The following SYT14 variants were observed in gnomAD, a reference collection of about 807,000 sequenced individuals.
SYT14 encodes synaptotagmin 14.
A neutral mutation model predicts 74.2 loss-of-function variants in SYT14; 32 were observed. That is an observed-to-expected ratio of 0.43 (90% CI 0.33 to 0.58). The LOEUF (loss-of-function observed/expected upper bound fraction) is 0.58. Ranked by LOEUF, SYT14 falls within the 20% of genes least tolerant of loss-of-function variation. SYT14 has a pLI of 0.05. For synonymous variants in SYT14, 298 were observed against 337.7 expected (o/e 0.88, Z 1.29); for missense variants, 791 against 981.8 (o/e 0.81, Z 2.60).
intron 1 of SYT14, among the ~76,000 whole-genome samples, chr1:209,943,533 A>C (rs1030544172): frequency 2.0e-4 from 31 of 151,260 alleles, no homozygotes; most frequent in Non-Finnish European, 3.1e-4. Flanking sequence ...AAAAAAAAAA[A>C]AAAAGAGAAT....
intron 2 of SYT14, among the ~76,000 whole-genome samples, chr1:209,976,400 T>G (rs1217791430): frequency 3.6e-4 from 54 of 151,716 alleles, no homozygotes; most frequent in Non-Finnish European, 6.3e-4. Flanking sequence ...TCTGGTATGT[T>G]GTGTCTTTGT....
At chr1:210,063,494 T>C (rs114946000) in intron 5 of SYT14, among the ~76,000 whole-genome samples, 1,677 of 151,994 alleles carry the variant, frequency 0.011, 42 homozygotes, top group African/African-American at 0.038. Flanking sequence ...TATTCAATAA[T>C]TTTTTCAGCT....
chr1:209,969,277 C>A (rs2079206203), intron 2 of SYT14, among the ~76,000 whole-genome samples: 1 of 152,026 alleles, frequency 6.6e-6, no homozygotes. Flanking sequence ...GGGATTGCTG[C>A]ATCGAATGGT....
chr1:210,002,674 G>C (rs191209436), intron 2 of SYT14, among the ~76,000 whole-genome samples: 2 of 152,132 alleles, frequency 1.3e-5, no homozygotes, highest in East Asian at 3.9e-4. Context: ...GATGTAATTT[G>C]AAGTTTTCTG....
At chr1:209,979,204 C>A (rs1330313063) in intron 2 of SYT14, among the ~76,000 whole-genome samples, 1 of 152,126 alleles carries the variant, frequency 6.6e-6, no homozygotes, top group African/African-American at 2.4e-5. Flanking sequence ...TGCACTGCAC[C>A]CACTGTCCTG....
chr1:209,950,235 G>T (rs149672960), intron 1 of SYT14, among the ~76,000 whole-genome samples: 1 of 152,074 alleles, frequency 6.6e-6, no homozygotes, highest in East Asian at 1.9e-4. Flanking sequence ...TAGAGAATAA[G>T]CCTTAATATG....
At chr1:210,053,438 G>T (rs1170834471) in intron 5 of SYT14, among the ~76,000 whole-genome samples, 1 of 152,188 alleles carries the variant, frequency 6.6e-6, no homozygotes, top group Non-Finnish European at 1.5e-5. Flanking sequence ...TGCTTTTTAG[G>T]CAGTGAAGGC....
chr1:210,152,569 A>T (rs1457647294), intron 7 of SYT14, among the ~76,000 whole-genome samples: 1 of 151,994 alleles, frequency 6.6e-6, no homozygotes, highest in Non-Finnish European at 1.5e-5. Context: ...TTCTTGCAAA[A>T]CCCAACACAC....
chr1:210,149,982 T>G (rs148369640), intron 7 of SYT14, among the ~76,000 whole-genome samples: 1 of 152,194 alleles, frequency 6.6e-6, no homozygotes, highest in African/African-American at 2.4e-5. Flanking sequence ...ATCTTTCTTA[T>G]GCACACAGTA....
intron 5 of SYT14, among the ~76,000 whole-genome samples, chr1:210,061,804 T>C (rs2081211994): frequency 6.6e-6 from 1 of 151,966 alleles, no homozygotes; most frequent in Admixed American, 6.6e-5. Flanking sequence ...TTTGTAATTT[T>C]ATGTACATGT....
intron 5 of SYT14, among the ~76,000 whole-genome samples, chr1:210,033,088 T>C (rs1380166824): frequency 6.6e-6 from 1 of 151,812 alleles, no homozygotes; most frequent in African/African-American, 2.4e-5. Context: ...CACTGAAATG[T>C]TCAGATGATA....
chr1:210,000,660 G>A (rs1469314108), intron 2 of SYT14, among the ~76,000 whole-genome samples: 1 of 135,224 alleles, frequency 7.4e-6, no homozygotes, highest in Non-Finnish European at 1.5e-5. Context: ...TGTCACCCAG[G>A]CTGGAGTGCA....
chr1:210,096,477 T>C (rs935255593), intron 6 of SYT14, among the ~76,000 whole-genome samples: 1 of 152,132 alleles, frequency 6.6e-6, no homozygotes, highest in African/African-American at 2.4e-5. Context: ...TTAACACACC[T>C]GGGGATAAGC....
At chr1:210,145,527 A>T (rs996463361) in intron 7 of SYT14, among the ~76,000 whole-genome samples, 3 of 152,242 alleles carry the variant, frequency 2.0e-5, no homozygotes, top group Admixed American at 6.5e-5. Flanking sequence ...TACAAAGATG[A>T]ATAAAACAAA....
At chr1:210,038,486 G>A (rs1206126314) in intron 5 of SYT14, among the ~76,000 whole-genome samples, 1 of 151,976 alleles carries the variant, frequency 6.6e-6, no homozygotes, top group African/African-American at 2.4e-5. Flanking sequence ...TTACTTTGCA[G>A]TCTTATTTGT....
intron 2 of SYT14, among the ~76,000 whole-genome samples, chr1:209,981,588 C>T (rs1397798915): frequency 6.6e-6 from 1 of 151,302 alleles, no homozygotes; most frequent in Non-Finnish European, 1.5e-5. Flanking sequence ...GTAGCTGGGA[C>T]TACAGGTGTG....
intron 5 of SYT14, among the ~76,000 whole-genome samples, chr1:210,059,492 G>C (rs994076302): frequency 2.4e-5 from 2 of 81,654 alleles, no homozygotes; most frequent in Non-Finnish European, 4.8e-5. Context: ...AGAGAGACAT[G>C]AATAGGATTA....
intron 5 of SYT14, among the ~76,000 whole-genome samples, chr1:210,059,799 G>A (rs1190135841): frequency 2.0e-5 from 3 of 152,030 alleles, no homozygotes; most frequent in Non-Finnish European, 4.4e-5. Context: ...AATTTGGATT[G>A]TTACATTCAC....
At chr1:210,011,003 T>G (rs146975981) in intron 2 of SYT14, among the ~76,000 whole-genome samples, 8 of 152,326 alleles carry the variant, frequency 5.3e-5, no homozygotes, top group Middle Eastern at 3.4e-3. Flanking sequence ...TATCAATAAC[T>G]AGCTTTCTTA....
Sources: gnomAD v4.1 joint callset for allele counts (sites outside exome capture counted in the v4.1 genomes callset) on GRCh38, gnomAD v4.1.1 for gene constraint, MANE v1.5 for transcripts, NCBI Gene and HGNC (gene_info 2026-07-23, HGNC 2026-07-21) for gene names.